The following LY86 variants were observed in gnomAD, a reference collection of about 807,000 sequenced individuals.
LY86 encodes lymphocyte antigen 86, also known as MD-1, RP105-associated.
In LY86, 20 loss-of-function variants were observed where a neutral mutation model predicts 17.3. The ratio of observed to expected loss-of-function variants is 1.15; its 90% CI spans 0.81 to 1.68. The LOEUF is 1.68. Among genes scored for constraint, LY86 ranks in the 40% most tolerant of loss-of-function variants. LY86 has a pLI of 0.00. For missense variants in LY86, 200 were observed against 191.9 expected (o/e 1.04, Z -0.25); for synonymous variants, 74 against 70.6 (o/e 1.05, Z -0.24).
intron 1 of LY86, among the ~76,000 whole-genome samples, chr6:6,617,057 G>A (rs2113129237): frequency 6.6e-6 from 1 of 152,328 alleles, no homozygotes; most frequent in South Asian, 2.1e-4. Flanking sequence ...AAAGAGAGCA[G>A]ACTAGCATTT....
At chr6:6,618,031 G>A (rs1581244467) in intron 1 of LY86, among the ~76,000 whole-genome samples, 1 of 152,116 alleles carries the variant, frequency 6.6e-6, no homozygotes, top group African/African-American at 2.4e-5. Context: ...AATAGAGATG[G>A]GGTTTCACCA....
At chr6:6,594,437 G>A (rs542325694) in intron 1 of LY86, among the ~76,000 whole-genome samples, 2 of 121,232 alleles carry the variant, frequency 1.6e-5, no homozygotes, top group East Asian at 2.6e-4. Flanking sequence ...CATTCTTTTA[G>A]ATGTTGTTTA....
At chr6:6,652,452 C>T (rs1762202151) in intron 4 of LY86, among the ~76,000 whole-genome samples, 2 of 152,172 alleles carry the variant, frequency 1.3e-5, no homozygotes, top group South Asian at 2.1e-4. Flanking sequence ...TCCCACTCAG[C>T]GATCATTCTC....
intron 1 of LY86, among the ~76,000 whole-genome samples, chr6:6,605,146 T>C (rs1761063126): frequency 6.6e-6 from 1 of 151,848 alleles, no homozygotes; most frequent in South Asian, 2.1e-4. Context: ...ACAAGCAAAG[T>C]AGCAACTTTA....
chr6:6,637,301 G>T (rs565025883), intron 3 of LY86, among the ~76,000 whole-genome samples: 2 of 152,150 alleles, frequency 1.3e-5, no homozygotes, highest in African/African-American at 4.8e-5. Context: ...GTGAGCCACC[G>T]CACCTGGCCA....
At chr6:6,614,827 G>A (rs1359788367) in intron 1 of LY86, among the ~76,000 whole-genome samples, 1 of 152,064 alleles carries the variant, frequency 6.6e-6, no homozygotes, top group African/African-American at 2.4e-5. Context: ...CTTGAGAGTC[G>A]CTTGGGTAAC....
At chr6:6,611,606 C>T (rs1047402458) in intron 1 of LY86, among the ~76,000 whole-genome samples, 3 of 152,226 alleles carry the variant, frequency 2.0e-5, no homozygotes, top group Non-Finnish European at 4.4e-5. Context: ...GCGCTGCTAC[C>T]TGTCCACCGT....
intron 1 of LY86, among the ~76,000 whole-genome samples, chr6:6,595,438 G>T (rs186935571): frequency 1.1e-3 from 165 of 150,468 alleles, no homozygotes; most frequent in African/African-American, 3.8e-3. Context: ...GGGGGAGGAG[G>T]GGGGAGTGGA....
intron 1 of LY86, among the ~76,000 whole-genome samples, chr6:6,606,613 C>T (rs1324608391): frequency 1.3e-5 from 2 of 152,210 alleles, no homozygotes; most frequent in Non-Finnish European, 2.9e-5. Flanking sequence ...CCTAGCCCTG[C>T]CACGCGGGGA....
chr6:6,642,444 T>C (rs1762053168), intron 3 of LY86, among the ~76,000 whole-genome samples: 1 of 152,186 alleles, frequency 6.6e-6, no homozygotes, highest in African/African-American at 2.4e-5. Flanking sequence ...TGAAAAATAA[T>C]ACTAAAAAGT....
chr6:6,591,730 G>A (rs1395256140), intron 1 of LY86, among the ~76,000 whole-genome samples: 1 of 152,142 alleles, frequency 6.6e-6, no homozygotes, highest in African/African-American at 2.4e-5. Context: ...ACTATTGATG[G>A]AATTAAAACA....
At chr6:6,626,177 A>C in intron 2 of LY86, 116 bp from the exon 3 acceptor site, 1 of 1,001,784 alleles carries the variant, frequency 1.0e-6, no homozygotes, top group Non-Finnish European at 1.5e-6. Context: ...TTCCCCACAC[A>C]GAGAAGATTA....
intron 1 of LY86, among the ~76,000 whole-genome samples, chr6:6,618,168 G>T (rs1761597393): frequency 6.6e-6 from 1 of 152,166 alleles, no homozygotes; most frequent in Non-Finnish European, 1.5e-5. Flanking sequence ...CTCCTAAGAT[G>T]CAAAGATCAG....
chr6:6,598,162 T>G (rs1489712812), intron 1 of LY86, among the ~76,000 whole-genome samples: 2 of 152,242 alleles, frequency 1.3e-5, no homozygotes, highest in Admixed American at 1.3e-4. Flanking sequence ...AACAAATTAA[T>G]TTTTGCAGAC....
intron 1 of LY86, among the ~76,000 whole-genome samples, chr6:6,611,767 A>C (rs2113116116): frequency 6.6e-6 from 1 of 151,894 alleles, no homozygotes; most frequent in Non-Finnish European, 1.5e-5. Flanking sequence ...CACATCTAGC[A>C]CAGTGCCTAT....
chr6:6,637,005 T>TA (rs1414016420), intron 3 of LY86, among the ~76,000 whole-genome samples: 3 of 15,528 alleles, frequency 1.9e-4, no homozygotes, highest in African/African-American at 6.3e-4. Context: ...AGCATATTGG[T>TA]TTTTTTTTTT....
At chr6:6,623,277 T>C (rs1561787495) in intron 1 of LY86, among the ~76,000 whole-genome samples, 1 of 152,154 alleles carries the variant, frequency 6.6e-6, no homozygotes, top group Non-Finnish European at 1.5e-5. Context: ...CCTGTGGAGC[T>C]GAGACACAGG....
rs555118374 is a variant in LY86 at position 6,605,832 on chromosome 6, C to A, written c.136+16962C>A. 4.2e-3 allele frequency among the ~76,000 whole-genome samples: 635 copies of A among 152,136 alleles called. 9 individuals are homozygous for A. The East Asian group carries it at 0.061, about 15-fold the overall frequency. ...TCGTGGTCTCGCTGGCTGACTTTCC[C>A]GGTGAATGTTACAGCTCTTAAGGGG... On this transcript the variant is annotated intron_variant, in intron 1 of 4. Transcript: ENST00000230568.
intron 1 of LY86, among the ~76,000 whole-genome samples, chr6:6,606,930 C>G (rs768409961): frequency 2.6e-5 from 4 of 152,258 alleles, no homozygotes; most frequent in Admixed American, 1.3e-4. Flanking sequence ...GCACCGAGGC[C>G]GAGGAGGCGC....
Sources: gnomAD v4.1 joint callset for allele counts (sites outside exome capture counted in the v4.1 genomes callset) on GRCh38, gnomAD v4.1.1 for gene constraint, MANE v1.5 for transcripts, NCBI Gene and HGNC (gene_info 2026-07-23, HGNC 2026-07-21) for gene names.